The following INPP4A variants were observed in gnomAD, a reference collection of about 807,000 sequenced individuals.
INPP4A encodes inositol polyphosphate-4-phosphatase type I A.
Under a neutral mutation model 119.8 loss-of-function variants are expected in INPP4A, and 33 were observed. The observed-to-expected ratio is 0.28, with a 90% CI of 0.21 to 0.37. INPP4A has a LOEUF of 0.37. Ranked by LOEUF, INPP4A falls within the 10% of genes least tolerant of loss-of-function variation. The probability of loss-of-function intolerance (pLI) is 1.00; values close to 1 mark genes in which losing one functional copy is unlikely to be tolerated. For synonymous variants in INPP4A, 496 were observed against 500.7 expected (o/e 0.99, Z 0.12); for missense variants, 956 against 1,289.9 (o/e 0.74, Z 3.97).
intron 1 of INPP4A, among the ~76,000 whole-genome samples, chr2:98,483,089 A>G (rs1678806559): frequency 6.6e-6 from 1 of 152,240 alleles, no homozygotes; most frequent in Non-Finnish European, 1.5e-5. Context: ...TGATTTTGGC[A>G]TGTACTCTAT....
At chr2:98,480,075 G>A (rs916653795) in intron 1 of INPP4A, among the ~76,000 whole-genome samples, 7 of 152,240 alleles carry the variant, frequency 4.6e-5, no homozygotes, top group Non-Finnish European at 7.3e-5. Context: ...GTCCTTGCCA[G>A]CACCTCCTCT....
rs534659031 is a variant in INPP4A at position 98,588,885 on chromosome 2, C to T, written c.*1277C>T. The T allele has an allele frequency of 2.4e-5, 5 of 207,262 alleles. No individual in the cohort carries two copies. Among genetic ancestry groups the T allele is most frequent in the Non-Finnish European group, 4.9e-5 (5 of 101,896 alleles). The allele number at this position is 207,262 out of a possible 1,614,324, so 12.8% of individuals were successfully genotyped here. A position where few individuals can be genotyped will look rare whatever the true frequency, so the allele number is the denominator to read the frequency against. ...TATGGCACATATTAATGATGCTGAT[C>T]CTAATGATTTGTGAACCTCTTAGAA... On this transcript the variant is annotated 3_prime_UTR_variant, in exon 25 of 25. Coordinates refer to ENST00000409851, the MANE Select transcript of INPP4A (RefSeq NM_001134225.2).
intron 14 of INPP4A, among the ~76,000 whole-genome samples, chr2:98,553,605 A>G (rs1184383552): frequency 3.9e-5 from 6 of 152,088 alleles, no homozygotes; most frequent in Admixed American, 6.6e-5. Flanking sequence ...GATTCTGACT[A>G]TACCTCCACA....
intron 1 of INPP4A, among the ~76,000 whole-genome samples, chr2:98,475,998 T>C (rs1677129452): frequency 6.6e-6 from 1 of 152,246 alleles, no homozygotes; most frequent in African/African-American, 2.4e-5. Context: ...GATGCAGAAT[T>C]TTACTGAAAT....
Position 98,566,286 on chromosome 2 carries a change from T to C in INPP4A, c.2420+117T>C. 1 of 1,150,348 alleles carries C rather than the reference T, an allele frequency of 8.7e-7. No individual in the cohort carries two copies. The highest frequency in any genetic ancestry group is 1.2e-6 in the Non-Finnish European group (1 of 844,866). The allele number at this position is 1,150,348 out of a possible 1,614,324, so 71.3% of individuals were successfully genotyped here. ...GACAGACTTTGTCATCCTTCCTTCCTTTGGCCAACATTTTCATCATGGCCG... is the reference window on the plus strand; with the variant it reads ...GACAGACTTTGTCATCCTTCCTTCCCTTGGCCAACATTTTCATCATGGCCG... On this transcript the variant is annotated intron_variant, in intron 21 of 24. Transcript: ENST00000409851. The surrounding 1 kb of genome is among the most constrained non-coding windows in gnomAD (Gnocchi z 4.2).
At chr2:98,519,331 C>T (rs1686734281) in intron 2 of INPP4A, 1 of 152,258 alleles carries the variant, frequency 6.6e-6, no homozygotes, top group African/African-American at 2.4e-5. Flanking sequence ...GTGACTCAGC[C>T]TGTGGCAGTG....
chr2:98,542,149 A>G (rs1278433916), intron 10 of INPP4A, among the ~76,000 whole-genome samples: 2 of 152,262 alleles, frequency 1.3e-5, no homozygotes, highest in Non-Finnish European at 2.9e-5. Context: ...CACCTGAAGC[A>G]TAGGAAGCCA....
In INPP4A at chr2:98,457,973, C is replaced by CAA. The variant is rs772904603; in HGVS notation, c.-166+12892_-166+12893dup. On this transcript the variant is annotated intron_variant, in intron 1 of 24. Coordinates refer to ENST00000409851, the MANE Select transcript of INPP4A (RefSeq NM_001134225.2). ...ATGCCACTGTGCCCAGCTAATTAAA[C>CAA]AAAAATTTTTTTTTTTTTTTTTTTT... Among the ~76,000 whole-genome samples the CAA allele has an allele frequency of 8.7e-3, 1,225 of 140,602 alleles. 8 individuals carry two copies. The highest frequency in any genetic ancestry group is 0.011 in the Non-Finnish European group (728 of 64,328). The allele number at this position is 140,602 out of a possible 152,430, so 92.2% of individuals were successfully genotyped here.
In INPP4A at chr2:98,592,997, C is replaced by T. The variant is rs1700469503; in HGVS notation, c.*5389C>T. On this transcript the variant is annotated 3_prime_UTR_variant, in exon 25 of 25. Transcript: ENST00000409851. ...CTGCACCCTCCATACGATTCCACCC[C>T]CCATCCTGTGCCAACAGTAGGCAAA... The T allele has an allele frequency of 6.6e-6, 1 of 152,312 alleles. No homozygotes were observed. Among genetic ancestry groups the T allele is most frequent in the African/African-American group, 2.4e-5 (1 of 41,456 alleles). 9.4% of individuals were successfully genotyped at this position (152,312 alleles called of 1,614,324 possible). A position where few individuals can be genotyped will look rare whatever the true frequency, so the allele number is the denominator to read the frequency against.
At chr2:98,505,979 G>A (rs1336365536) in intron 1 of INPP4A, among the ~76,000 whole-genome samples, 1 of 152,050 alleles carries the variant, frequency 6.6e-6, no homozygotes, top group Non-Finnish European at 1.5e-5. Context: ...TCTTCGAGGG[G>A]TTTAATTTCA....
intron 4 of INPP4A, among the ~76,000 whole-genome samples, chr2:98,523,480 C>T (rs1687620862): frequency 6.6e-6 from 1 of 151,692 alleles, no homozygotes; most frequent in African/African-American, 2.4e-5. Context: ...CTGCAAGCTC[C>T]GCCTCCTGGG....
At chr2:98,464,730 T>C (rs2104712332) in intron 1 of INPP4A, among the ~76,000 whole-genome samples, 1 of 152,306 alleles carries the variant, frequency 6.6e-6, no homozygotes, top group South Asian at 2.1e-4. Context: ...GAGGGTCTGC[T>C]CCATGAGATA....
chr2:98,583,391 C>T (rs1699606673), intron 24 of INPP4A, among the ~76,000 whole-genome samples: 1 of 152,136 alleles, frequency 6.6e-6, no homozygotes, highest in Admixed American at 6.5e-5. Context: ...AGCAGCAGGG[C>T]GCTCTGGTTT....
At chr2:98,543,762 C>A in intron 10 of INPP4A, 115 bp from the exon 11 acceptor site, 2 of 1,326,752 alleles carry the variant, frequency 1.5e-6, no homozygotes, top group Non-Finnish European at 2.1e-6. Context: ...TCCTGGCCTG[C>A]CCTGGGCATC....
intron 1 of INPP4A, among the ~76,000 whole-genome samples, chr2:98,458,858 A>G (rs1205678280): frequency 2.0e-5 from 3 of 152,186 alleles, no homozygotes; most frequent in Non-Finnish European, 4.4e-5. Context: ...TCGGCGGATC[A>G]TGGCAGGGAG....
intron 4 of INPP4A, among the ~76,000 whole-genome samples, chr2:98,532,057 C>G (rs979375269): frequency 3.3e-5 from 5 of 152,196 alleles, no homozygotes; most frequent in African/African-American, 1.2e-4. Context: ...GAGCTGTGAA[C>G]AGTGGTTAGT....
intron 4 of INPP4A, among the ~76,000 whole-genome samples, chr2:98,525,988 A>G (rs549657518): frequency 1.7e-4 from 26 of 152,378 alleles, no homozygotes; most frequent in African/African-American, 5.8e-4. Context: ...AAGTGTTCAC[A>G]AAAAGACATG....
intron 1 of INPP4A, among the ~76,000 whole-genome samples, chr2:98,461,050 C>T (rs1213208284): frequency 2.6e-5 from 4 of 152,182 alleles, no homozygotes; most frequent in Non-Finnish European, 4.4e-5. Flanking sequence ...CATAGCCACG[C>T]CCTTCCCGTG....
In INPP4A at chr2:98,590,384, GGTCCCAATCCTGGTTCTGCCCCT is replaced by G. The variant is rs1234547597; in HGVS notation, c.*2778_*2800del. The G allele has an allele frequency of 5.3e-6, 1 of 187,552 alleles. No individual in the cohort carries two copies. The highest frequency in any genetic ancestry group is 2.3e-5 in the African/African-American group (1 of 42,790). The allele number at this position is 187,552 out of a possible 1,614,324, so 11.6% of individuals were successfully genotyped here. On this transcript the variant is annotated 3_prime_UTR_variant, in exon 25 of 25. Transcript: ENST00000409851. The stretch of plus-strand genomic sequence containing the variant: ...ACGGACTTTGGGAGCACACAGACCA[GGTCCCAATCCTGGTTCTGCCCCT>G]GACTGGCTGGTGACTCTGAGCAAGT...
Sources: gnomAD v4.1 joint callset for allele counts (sites outside exome capture counted in the v4.1 genomes callset) on GRCh38, gnomAD v4.1.1 for gene constraint, Gnocchi (gnomAD v3.1) non-coding constraint, MANE v1.5 for transcripts, NCBI Gene and HGNC (gene_info 2026-07-23, HGNC 2026-07-21) for gene names.